Variants in TBC1D1 observed in about 807,000 individuals in gnomAD.
The protein encoded by TBC1D1 is TBC1 domain family member 1.
TBC1D1 carries 89 observed loss-of-function variants against 125.6 expected under a neutral mutation model. The observed-to-expected ratio is 0.71, with a 90% confidence interval of 0.60 to 0.85. The LOEUF (loss-of-function observed/expected upper bound fraction) is 0.85. Among genes scored for constraint, TBC1D1 ranks in the 40% least tolerant of loss-of-function variants. TBC1D1 has a pLI of 0.00. For missense variants in TBC1D1, 1,377 were observed against 1,469.2 expected, an observed-to-expected ratio of 0.94 and a Z score of 1.03; for synonymous variants, 565 against 564.1, an observed-to-expected ratio of 1.00 and a Z score of -0.02.
At chr4:38,101,076 T>C (rs1361070074) in intron 14 of TBC1D1, among the ~76,000 whole-genome samples, 1 of 152,170 alleles carries the variant, frequency 6.6e-6, no homozygotes, top group Non-Finnish European at 1.5e-5. Flanking sequence ...GTTATGAGTA[T>C]GGTATGGGCC....
chr4:38,014,376 C>G lies in TBC1D1; in HGVS notation c.418-133C>G, dbSNP rs1742162654. On this transcript the variant is annotated intron_variant, in intron 2 of 19. Coordinates refer to ENST00000261439, the MANE Select transcript of TBC1D1 (RefSeq NM_015173.4). The surrounding 1 kb of genome is among the most constrained non-coding windows in gnomAD (Gnocchi z 5.1). ...CCTAGTCCCCTCCCGTGGGCTCCTCCTCCAGTGGGCTCCTCCTCCAGTGCT... is the reference window on the plus strand; with the variant it reads ...CCTAGTCCCCTCCCGTGGGCTCCTCGTCCAGTGGGCTCCTCCTCCAGTGCT... The G allele has an allele frequency of 3.8e-6, 3 of 798,846 alleles. No individual in the cohort carries two copies. Among genetic ancestry groups the G allele is most frequent in the Non-Finnish European group, 6.0e-6 (3 of 499,950 alleles). The allele number at this position is 798,846 out of a possible 1,614,324, so 49.5% of individuals were successfully genotyped here. A position where few individuals can be genotyped will look rare whatever the true frequency, so the allele number is the denominator to read the frequency against.
In TBC1D1 at chr4:38,115,486, A is replaced by G. The variant is rs1173160114; in HGVS notation, c.2558-224A>G. ...TACTTTCACCTGTACTTCCACCAAA[A>G]AATAAATAAAACAACCATGAGTAAT... is the stretch of plus-strand genomic sequence containing the variant. On this transcript the variant is annotated intron_variant, in intron 15 of 19. Transcript: ENST00000261439. Among the ~76,000 whole-genome samples, 5 of 152,342 alleles carry G rather than the reference A, an allele frequency of 3.3e-5. No homozygotes were observed. In the East Asian group the frequency reaches 9.6e-4, roughly 29 times the overall value.
intron 2 of TBC1D1, among the ~76,000 whole-genome samples, chr4:37,936,762 C>CCA (rs1560500967): frequency 5.3e-5 from 8 of 152,164 alleles, no homozygotes; most frequent in Non-Finnish European, 1.2e-4. Context: ...AGAATAGAAC[C>CCA]TCCTTGCGAG....
chr4:38,042,411 C>T (rs918000922), intron 8 of TBC1D1, among the ~76,000 whole-genome samples: 9 of 151,968 alleles, frequency 5.9e-5, no homozygotes, highest in African/African-American at 1.9e-4. Flanking sequence ...TGCACCACCA[C>T]ACCTGGCTAA....
intron 2 of TBC1D1, among the ~76,000 whole-genome samples, chr4:37,938,105 G>A (rs1429048430): frequency 6.6e-6 from 1 of 152,118 alleles, no homozygotes; most frequent in African/African-American, 2.4e-5. Flanking sequence ...AACTTACTGG[G>A]TGCAGTGGTA....
chr4:38,138,028 T>C lies in TBC1D1; in HGVS notation c.*693T>C, dbSNP rs1206315658. On this transcript the variant is annotated 3_prime_UTR_variant, in exon 20 of 20. Coordinates refer to ENST00000261439, the MANE Select transcript of TBC1D1 (RefSeq NM_015173.4). The stretch of plus-strand genomic sequence containing the variant: ...ATGTTTAAGATCACTTTATTGAATT[T>C]GAAGATCATCAAATTAAATAAAATG... 6.6e-6 allele frequency: 1 copy of C among 152,570 alleles called. No individual in the cohort carries two copies. The highest frequency in any genetic ancestry group is 2.4e-5 in the African/African-American group (1 of 41,440). 9.5% of individuals were successfully genotyped at this position (152,570 alleles called of 1,614,324 possible). A position where few individuals can be genotyped will look rare whatever the true frequency, so the allele number is the denominator to read the frequency against.
intron 2 of TBC1D1, among the ~76,000 whole-genome samples, chr4:37,991,918 G>T (rs1736656477): frequency 2.0e-5 from 3 of 152,218 alleles, no homozygotes; most frequent in Admixed American, 2.0e-4. Context: ...GGAAGAAACT[G>T]CATGAGCAAA....
intron 7 of TBC1D1, among the ~76,000 whole-genome samples, chr4:38,033,390 T>A (rs572344987): frequency 1.3e-5 from 2 of 152,180 alleles, no homozygotes; most frequent in Admixed American, 1.3e-4. Flanking sequence ...TTAATAGACT[T>A]AATTTTTTTT....
chr4:38,042,005 C>A (rs1446911113), intron 8 of TBC1D1, among the ~76,000 whole-genome samples: 1 of 151,756 alleles, frequency 6.6e-6, no homozygotes, highest in East Asian at 1.9e-4. Flanking sequence ...GAAACCCCAT[C>A]TCTACAAAAA....
chr4:37,946,662 C>T (rs1158742490), intron 2 of TBC1D1, among the ~76,000 whole-genome samples: 4 of 152,094 alleles, frequency 2.6e-5, no homozygotes, highest in African/African-American at 7.2e-5. Context: ...AAGAGGAAGC[C>T]GGGCTGTGAA....
intron 2 of TBC1D1, among the ~76,000 whole-genome samples, chr4:38,001,894 C>A (rs1021500069): frequency 6.6e-6 from 1 of 152,152 alleles, no homozygotes; most frequent in Non-Finnish European, 1.5e-5. Flanking sequence ...GCACTTAGTA[C>A]TATATCATAA....
intron 2 of TBC1D1, among the ~76,000 whole-genome samples, chr4:37,932,288 T>G (rs1427173825): frequency 1.3e-5 from 2 of 152,218 alleles, no homozygotes; most frequent in Admixed American, 6.5e-5. Flanking sequence ...GGTATAAAAT[T>G]TGATTCATTT....
chr4:37,988,682 C>G (rs1735935900), intron 2 of TBC1D1, among the ~76,000 whole-genome samples: 2 of 152,132 alleles, frequency 1.3e-5, no homozygotes, highest in African/African-American at 4.8e-5. Context: ...CCCAAAGCCA[C>G]AGCTAAGATC....
chr4:37,957,013 G>A (rs980511802), intron 2 of TBC1D1, among the ~76,000 whole-genome samples: 1 of 151,850 alleles, frequency 6.6e-6, no homozygotes, highest in African/African-American at 2.4e-5. Flanking sequence ...ATGCCACGGT[G>A]AAACTTAAAG....
intron 2 of TBC1D1, among the ~76,000 whole-genome samples, chr4:37,935,046 G>A (rs1376807793): frequency 6.6e-6 from 1 of 152,132 alleles, no homozygotes; most frequent in Non-Finnish European, 1.5e-5. Context: ...TGCACAGAAG[G>A]GAAGTGACAC....
intron 14 of TBC1D1, among the ~76,000 whole-genome samples, chr4:38,096,329 GT>G (rs1238790676): frequency 6.6e-6 from 1 of 152,138 alleles, no homozygotes; most frequent in African/African-American, 2.4e-5. Flanking sequence ...AAACCCAAGG[GT>G]TTTGTTGCCT....
chr4:38,058,061 G>T (rs1026541325), intron 12 of TBC1D1, among the ~76,000 whole-genome samples: 5 of 152,232 alleles, frequency 3.3e-5, no homozygotes, highest in Admixed American at 2.0e-4. Context: ...CACCAACACT[G>T]AATGGAAAAC....
At position 38,020,697 on chromosome 4, in the gene TBC1D1, TGA is replaced by T. The variant is rs766877846; in HGVS notation, c.1077+8_1077+9del. On this transcript the variant is annotated splice_donor_region_variant and intron_variant, in intron 5 of 19. Coordinates refer to ENST00000261439, the MANE Select transcript of TBC1D1 (RefSeq NM_015173.4). ...TTTCAGTGCACAAATGAGGCTCTGG[TGA>T]GAGAGGACAAGCAATTCTTACCTTG... 2.5e-6 allele frequency: 4 copies of T among 1,610,720 alleles called. No individual in the cohort carries two copies. The African/African-American group carries it at 5.3e-5, about 22-fold the overall frequency.
Position 37,977,488 on chromosome 4 carries a change from G to C in TBC1D1, c.418-37021G>C, listed in dbSNP as rs946624357. On this transcript the variant is annotated intron_variant, in intron 2 of 19. Transcript: ENST00000261439. This position sits in a 1 kb window ranked among gnomAD's most constrained non-coding sequence, Gnocchi z 4.3. ...GGGAGCCGGCGGGCGAAGAGCCGCC[G>C]CCCGGCCCGCGATGTCACCATTGTT... is the stretch of plus-strand genomic sequence containing the variant. 4.0e-6 allele frequency: 4 copies of C among 989,424 alleles called. No homozygotes were observed. The Admixed American group carries it at 2.5e-4, about 62-fold the overall frequency. The allele number at this position is 989,424 out of a possible 1,614,324, so 61.3% of individuals were successfully genotyped here. A position where few individuals can be genotyped will look rare whatever the true frequency, so the allele number is the denominator to read the frequency against.
Sources: allele counts gnomAD v4.1 joint callset (sites outside exome capture counted in the v4.1 genomes callset), GRCh38; gene constraint gnomAD v4.1.1; non-coding constraint Gnocchi (gnomAD v3.1); transcripts MANE v1.5; gene names NCBI Gene and HGNC (gene_info 2026-07-23, HGNC 2026-07-21).